Variants in FAM83F observed in about 807,000 individuals in gnomAD.
FAM83F encodes the protein protein FAM83F.
A neutral mutation model predicts 42.9 loss-of-function variants in FAM83F; 45 were observed. That is an observed-to-expected ratio of 1.05 (90% CI 0.83 to 1.35). FAM83F has a LOEUF of 1.35. Ranked by LOEUF, FAM83F falls within the 40% of genes most tolerant of loss-of-function variation. FAM83F has a pLI of 0.00. For synonymous variants in FAM83F, 306 were observed against 298.3 expected, an observed-to-expected ratio of 1.03 and a Z score of -0.27; for missense variants, 617 against 695.9, an observed-to-expected ratio of 0.89 and a Z score of 1.28.
rs1484387767 is a variant in FAM83F at position 40,043,044 on chromosome 22, G to C, written c.*13479G>C. ...TTCTGTCCTTCTTGCAGTTGCCCTA[G>C]GAATACATGCCACTTACTCTTAATT... On this transcript the variant is annotated 3_prime_UTR_variant, in exon 5 of 5. Transcript: ENST00000333407. The C allele has an allele frequency of 6.6e-6, 1 of 152,122 alleles. No individual in the cohort carries two copies. The highest frequency in any genetic ancestry group is 1.5e-5 in the Non-Finnish European group (1 of 68,008). The allele number at this position is 152,122 out of a possible 1,614,324, so 9.4% of individuals were successfully genotyped here. A position where few individuals can be genotyped will look rare whatever the true frequency, so the allele number is the denominator to read the frequency against.
At chr22:40,022,193 T>C (rs2067527343) in intron 4 of FAM83F, among the ~76,000 whole-genome samples, 1 of 152,200 alleles carries the variant, frequency 6.6e-6, no homozygotes. Context: ...TTCATTTTCC[T>C]CTTCTCTGAA....
intron 1 of FAM83F, among the ~76,000 whole-genome samples, chr22:40,006,268 C>T (rs1407007912): frequency 6.6e-6 from 1 of 152,030 alleles, no homozygotes; most frequent in Non-Finnish European, 1.5e-5. Flanking sequence ...GCTATTGCAG[C>T]TCTGGATTTG....
At chr22:39,996,104 A>G (rs2067372553) in intron 1 of FAM83F, among the ~76,000 whole-genome samples, 1 of 151,962 alleles carries the variant, frequency 6.6e-6, no homozygotes, top group Non-Finnish European at 1.5e-5. Flanking sequence ...TGAATGGGGG[A>G]CGGGGTATAT....
At chr22:40,013,798 T>G (rs1219420070) in intron 1 of FAM83F, among the ~76,000 whole-genome samples, 1 of 152,158 alleles carries the variant, frequency 6.6e-6, no homozygotes, top group Non-Finnish European at 1.5e-5. Flanking sequence ...TTCACATATT[T>G]TAAAATGCCC....
intron 2 of FAM83F, 78 bp downstream of exon 2, chr22:40,019,413 C>A: frequency 7.3e-7 from 1 of 1,379,248 alleles, no homozygotes; most frequent in Non-Finnish European, 1.0e-6. Context: ...CAGCTCCCCC[C>A]TGCCTCTTCC....
rs1029242519 is a variant in FAM83F, at chr22:40,035,100, A to T, written c.*5535A>T. 3.3e-5 allele frequency: 5 copies of T among 152,234 alleles called. No homozygotes were observed. Among genetic ancestry groups the T allele is most frequent in the African/African-American group, 4.8e-5 (2 of 41,466 alleles). The allele number at this position is 152,234 out of a possible 1,614,324, so 9.4% of individuals were successfully genotyped here. On this transcript the variant is annotated 3_prime_UTR_variant, in exon 5 of 5. Transcript: ENST00000333407. ...TCGCAGGAAGGGCTAGAATCTGGTT[A>T]TCTGGACCGTCCTAGAGCACTTTCA...
In FAM83F at chr22:40,023,614, G is replaced by A. The variant is rs1045698640; in HGVS notation, c.1453+1651G>A. The stretch of plus-strand genomic sequence containing the variant: ...CTTGTCCCTTCCCGCTGCCTTCTGC[G>A]TGTCCCTCCACATCCATGTCCCTGC... On this transcript the variant is annotated intron_variant, in intron 4 of 4. Transcript: ENST00000333407. This position sits in a 1 kb window ranked among gnomAD's most constrained non-coding sequence, Gnocchi z 4.1. 3.9e-5 allele frequency among the ~76,000 whole-genome samples: 6 copies of A among 152,012 alleles called. No individual in the cohort carries two copies. The highest frequency in any genetic ancestry group is 2.1e-4 in the South Asian group (1 of 4,814).
chr22:40,007,755 G>A (rs964063565), intron 1 of FAM83F, among the ~76,000 whole-genome samples: 7 of 151,546 alleles, frequency 4.6e-5, no homozygotes, highest in Middle Eastern at 6.3e-3. Flanking sequence ...CCCAGGGTAT[G>A]TACATGGGGA....
At chr22:40,028,108 C>T (rs551817165) in intron 4 of FAM83F, among the ~76,000 whole-genome samples, 5 of 152,262 alleles carry the variant, frequency 3.3e-5, no homozygotes, top group African/African-American at 4.8e-5. Flanking sequence ...GGCACCACTG[C>T]GGAAAGTGAC....
At chr22:40,020,174 G>T (rs2067512134) in intron 3 of FAM83F, among the ~76,000 whole-genome samples, 166 bp downstream of exon 3, 2 of 152,116 alleles carry the variant, frequency 1.3e-5, no homozygotes, top group Non-Finnish European at 2.9e-5. Flanking sequence ...AAACTTCCTG[G>T]TTGATGGATT....
chr22:40,003,616 C>T (rs1200765469), intron 1 of FAM83F, among the ~76,000 whole-genome samples: 2 of 152,188 alleles, frequency 1.3e-5, no homozygotes, highest in African/African-American at 2.4e-5. Flanking sequence ...CACCCCCACA[C>T]ACCATGCCAG....
chr22:40,024,442 T>G (rs190414811), intron 4 of FAM83F, among the ~76,000 whole-genome samples: 1 of 152,304 alleles, frequency 6.6e-6, no homozygotes, highest in African/African-American at 2.4e-5. Context: ...CCTGACAGCA[T>G]GGGGCACCCA....
At chr22:40,019,453 T>C in intron 2 of FAM83F, 118 bp downstream of exon 2, 1 of 865,634 alleles carries the variant, frequency 1.2e-6, no homozygotes, top group Non-Finnish European at 1.8e-6. Context: ...AACTTCAAGA[T>C]CTCAACACCT....
At chr22:40,013,082 C>CA (rs754625979) in intron 1 of FAM83F, among the ~76,000 whole-genome samples, 911 of 46,060 alleles carry the variant, frequency 0.02, 28 homozygotes, top group Middle Eastern at 0.038. Flanking sequence ...GACTCCGTTT[C>CA]AAAAAAAAAA....
intron 1 of FAM83F, among the ~76,000 whole-genome samples, chr22:40,018,475 A>G (rs968928849): frequency 2.6e-5 from 4 of 151,934 alleles, no homozygotes; most frequent in East Asian, 3.9e-4. Context: ...GACAGTCTCT[A>G]TCACCCAGGC....
At chr22:40,007,976 C>T (rs1437190253) in intron 1 of FAM83F, among the ~76,000 whole-genome samples, 5 of 152,188 alleles carry the variant, frequency 3.3e-5, no homozygotes, top group South Asian at 4.1e-4. Flanking sequence ...ACTGGTTCCC[C>T]GCAGCCTGCC....
Position 39,995,584 on chromosome 22 carries a change from G to A in FAM83F, c.489+53G>A, listed in dbSNP as rs1223456924. ...GCTGGGACCTCGGCCCCAGTCCCCTGGACCGGGCCCCACCTCCCAGGCAGG... is the reference window on the plus strand; with the variant it reads ...GCTGGGACCTCGGCCCCAGTCCCCTAGACCGGGCCCCACCTCCCAGGCAGG... On this transcript the variant is annotated intron_variant, in intron 1 of 4. Transcript: ENST00000333407. This position sits in a 1 kb window ranked among gnomAD's most constrained non-coding sequence, Gnocchi z 4.6. 46 of 1,475,136 alleles carry A rather than the reference G, an allele frequency of 3.1e-5. No homozygotes were observed. The highest frequency in any genetic ancestry group is 7.1e-5 in the Admixed American group (3 of 42,380). The allele number at this position is 1,475,136 out of a possible 1,614,324, so 91.4% of individuals were successfully genotyped here.
chr22:40,027,435 G>A (rs732748), intron 4 of FAM83F, among the ~76,000 whole-genome samples: 1,660 of 152,048 alleles, frequency 0.011, 26 homozygotes, highest in African/African-American at 0.037. Flanking sequence ...ACATGGCTCC[G>A]CTCCGCTGAG....
At chr22:39,996,026 A>G (rs746268407) in intron 1 of FAM83F, among the ~76,000 whole-genome samples, 37 of 152,118 alleles carry the variant, frequency 2.4e-4, no homozygotes, top group Non-Finnish European at 4.4e-5. Flanking sequence ...CCCATAGTCA[A>G]AGCTGAGCTG....
Sources: gnomAD v4.1 joint callset for allele counts (sites outside exome capture counted in the v4.1 genomes callset) on GRCh38, gnomAD v4.1.1 for gene constraint, Gnocchi (gnomAD v3.1) non-coding constraint, MANE v1.5 for transcripts, NCBI Gene and HGNC (gene_info 2026-07-23, HGNC 2026-07-21) for gene names.